The following PLIN3 variants were observed in gnomAD, a reference collection of about 807,000 sequenced individuals.
PLIN3 encodes the protein perilipin 3.
In PLIN3, 30 loss-of-function variants were observed where a neutral mutation model predicts 35.9. That is an observed-to-expected ratio of 0.84 (90% confidence interval 0.62 to 1.13). PLIN3 has a LOEUF of 1.13. Ranked by LOEUF, PLIN3 falls within the 50% of genes most tolerant of loss-of-function variation. The probability of loss-of-function intolerance (pLI) is 0.00; values close to 1 mark genes in which losing one functional copy is unlikely to be tolerated. For synonymous variants in PLIN3, 261 were observed against 262.5 expected, an observed-to-expected ratio of 0.99 and a Z score of 0.06; for missense variants, 603 against 596.9, an observed-to-expected ratio of 1.01 and a Z score of -0.11.
intron 4 of PLIN3, among the ~76,000 whole-genome samples, chr19:4,859,018 G>A (rs914511425): frequency 6.6e-6 from 1 of 151,926 alleles, no homozygotes; most frequent in Non-Finnish European, 1.5e-5. Context: ...ATGGTGTTTT[G>A]ATGTTTTGAC....
intron 1 of PLIN3, among the ~76,000 whole-genome samples, chr19:4,866,022 C>CTTT (rs1217481158): frequency 7.7e-6 from 1 of 129,192 alleles, no homozygotes; most frequent in Non-Finnish European, 1.6e-5. Context: ...CATGCCCGGC[C>CTTT]TTTTTTTTTT....
At chr19:4,864,713 C>T (rs983011568) in intron 1 of PLIN3, among the ~76,000 whole-genome samples, 3 of 152,072 alleles carry the variant, frequency 2.0e-5, no homozygotes, top group African/African-American at 7.2e-5. Context: ...CGGGGTTCCC[C>T]AGGTGAGTCT....
At chr19:4,857,433 T>C (rs1297123396) in intron 4 of PLIN3, among the ~76,000 whole-genome samples, 8 of 151,904 alleles carry the variant, frequency 5.3e-5, no homozygotes, top group Admixed American at 3.9e-4. Flanking sequence ...CCAGGCATGG[T>C]GGTGCATGCC....
At chr19:4,861,836 T>C (rs1568381376) in intron 1 of PLIN3, among the ~76,000 whole-genome samples, 1 of 151,874 alleles carries the variant, frequency 6.6e-6, no homozygotes, top group Non-Finnish European at 1.5e-5. Flanking sequence ...GGTTTCACCA[T>C]ATTGGCCTGG....
chr19:4,853,222 C>T (rs1410544116), intron 4 of PLIN3, among the ~76,000 whole-genome samples: 1 of 152,078 alleles, frequency 6.6e-6, no homozygotes, highest in African/African-American at 2.4e-5. Flanking sequence ...CAAACTCCAC[C>T]TCCTGGGCTC....
intron 1 of PLIN3, among the ~76,000 whole-genome samples, chr19:4,863,515 A>G (rs2030744739): frequency 2.9e-5 from 4 of 136,384 alleles, no homozygotes. Context: ...AAAAAAAAAG[A>G]GATTTAAATG....
chr19:4,848,478 G>A (rs1413404279), intron 5 of PLIN3, among the ~76,000 whole-genome samples: 2 of 152,240 alleles, frequency 1.3e-5, no homozygotes, highest in East Asian at 3.8e-4. Context: ...GACAACCTGT[G>A]AATATAGGCC....
At chr19:4,854,400 T>C (rs985214270) in intron 4 of PLIN3, among the ~76,000 whole-genome samples, 4 of 37,378 alleles carry the variant, frequency 1.1e-4, no homozygotes, top group African/African-American at 4.5e-4. Flanking sequence ...TCAAGTTTTT[T>C]GTTTTTGTTT....
chr19:4,841,204 C>A (rs527806493), intron 7 of PLIN3, among the ~76,000 whole-genome samples: 1 of 152,106 alleles, frequency 6.6e-6, no homozygotes, highest in Non-Finnish European at 1.5e-5. Flanking sequence ...AAAGTAGAAA[C>A]GACTCAAGTG....
intron 5 of PLIN3, among the ~76,000 whole-genome samples, chr19:4,850,514 A>T (rs1295960218): frequency 6.6e-6 from 1 of 150,920 alleles, no homozygotes; most frequent in Admixed American, 6.6e-5. Context: ...TCCGCCTCCC[A>T]GGTTCATGCC....
At position 4,842,985 on chromosome 19, in the gene PLIN3, C is replaced by T. The variant is rs529545791; in HGVS notation, c.960+1683G>A. ...CCTGTAATACCAGCACTTTGGGAGG[C>T]CGATGTGGGCGGATCACCTGCGGTC... On this transcript the variant is annotated intron_variant, in intron 7 of 7. Coordinates refer to ENST00000221957, the MANE Select transcript of PLIN3 (RefSeq NM_005817.5). 3.0e-4 allele frequency among the ~76,000 whole-genome samples: 45 copies of T among 152,146 alleles called. 1 individual carries two copies. The highest frequency in any genetic ancestry group is 1.1e-3 in the African/African-American group (44 of 41,512).
chr19:4,861,410 C>G lies in PLIN3; in HGVS notation c.-16G>C, dbSNP rs376043517. The G allele has an allele frequency of 1.9e-6, 3 of 1,608,250 alleles. No homozygotes were observed. Among genetic ancestry groups the G allele is most frequent in the Non-Finnish European group, 8.5e-7 (1 of 1,177,524 alleles). On this transcript the variant is annotated splice_region_variant and 5_prime_UTR_variant, in exon 2 of 8. Transcript: ENST00000221957. ...CGGCAGACATGGTCTCTGCAGCAGA[C>G]GCTGAGGAGAGAGGAACAGTCAGGT... is the stretch of plus-strand genomic sequence containing the variant.
chr19:4,865,053 G>A (rs114428798), intron 1 of PLIN3, among the ~76,000 whole-genome samples: 243 of 152,236 alleles, frequency 1.6e-3, no homozygotes, highest in African/African-American at 5.4e-3. Context: ...AGGTGCGGGT[G>A]TGGTGGCGGG....
In PLIN3 at chr19:4,839,264, G is replaced by A. The variant is rs368356072; in HGVS notation, c.1233C>T (p.Asn411=). The change falls in exon 8 of 8, where the codon AAC becomes AAT. Residue 411 remains asparagine, a synonymous_variant. Coordinates refer to ENST00000221957, the MANE Select transcript of PLIN3 (RefSeq NM_005817.5). ...LDHMVEYVAQ[N]TPVTWLVGPF... ...GTCCCACGAGCCACGTGACAGGTGTGTTCTGGGCCACATATTCCACCATGT... is the reference window on the plus strand; with the variant it reads ...GTCCCACGAGCCACGTGACAGGTGTATTCTGGGCCACATATTCCACCATGT... The A allele has an allele frequency of 1.2e-6, 2 of 1,613,966 alleles. No individual in the cohort carries two copies. The highest frequency in any genetic ancestry group is 2.7e-5 in the African/African-American group (2 of 74,916).
intron 4 of PLIN3, among the ~76,000 whole-genome samples, 160 bp from the exon 5 acceptor site, chr19:4,852,461 AC>A (rs2146206285): frequency 6.6e-6 from 1 of 151,554 alleles, no homozygotes; most frequent in Non-Finnish European, 1.5e-5. Flanking sequence ...CCTCCCCTGC[AC>A]CCCAACTTCC....
intron 2 of PLIN3, among the ~76,000 whole-genome samples, 175 bp downstream of exon 2, chr19:4,861,154 C>T (rs1364377643): frequency 6.6e-6 from 1 of 152,148 alleles, no homozygotes; most frequent in Non-Finnish European, 1.5e-5. Context: ...TGAGATTCCC[C>T]CCTCCCAACT....
rs140054846 is a variant in PLIN3, at chr19:4,852,201, G to A, written c.449C>T (p.Ala150Val). 39 of 1,612,584 alleles carry A rather than the reference G, an allele frequency of 2.4e-5. No homozygotes were observed. Among genetic ancestry groups the A allele is most frequent in the Non-Finnish European group, 2.6e-5 (31 of 1,180,004 alleles). ...KDTVATQLSE[A>V]VDATRGAVQS... ...CACAGCACCGCGGGTCGCGTCCACC[G>A]CCTCCGACAATTGGGTGGCCACCGT... The change falls in exon 5 of 8, where the codon GCG (alanine) becomes GTG (valine). Residue 150 changes from alanine (A) to valine (V), a missense_variant. Coordinates refer to ENST00000221957, the MANE Select transcript of PLIN3 (RefSeq NM_005817.5).
At chr19:4,847,139 C>G (rs2030125882) in intron 6 of PLIN3, among the ~76,000 whole-genome samples, 1 of 151,710 alleles carries the variant, frequency 6.6e-6, no homozygotes. Context: ...CCACCCGCCT[C>G]AGCCTCCCAA....
chr19:4,858,848 C>T (rs1310674044), intron 4 of PLIN3, among the ~76,000 whole-genome samples: 1 of 151,618 alleles, frequency 6.6e-6, no homozygotes, highest in East Asian at 1.9e-4. Context: ...ATTACAGGCA[C>T]CCGCTACCAC....
Sources: gnomAD v4.1 joint callset for allele counts (sites outside exome capture counted in the v4.1 genomes callset) on GRCh38, gnomAD v4.1.1 for gene constraint, MANE v1.5 for transcripts, NCBI Gene and HGNC (gene_info 2026-07-23, HGNC 2026-07-21) for gene names.